Variants in RABGEF1 observed in about 807,000 individuals in gnomAD.
RABGEF1 encodes the protein rab5 GDP/GTP exchange factor.
Under a neutral mutation model 57.3 loss-of-function variants are expected in RABGEF1, and 26 were observed. The observed-to-expected ratio is 0.45, with a 90% CI of 0.33 to 0.63. RABGEF1 has a LOEUF of 0.63. RABGEF1 is among the 20% of genes least tolerant of loss of function. RABGEF1 has a pLI of 0.02. For synonymous variants in RABGEF1, 185 were observed against 210.7 expected, an observed-to-expected ratio of 0.88 and a Z score of 1.06; for missense variants, 464 against 607.6, an observed-to-expected ratio of 0.76 and a Z score of 2.48.
intron 4 of RABGEF1, among the ~76,000 whole-genome samples, chr7:66,790,842 A>C (rs1235965614): frequency 6.6e-6 from 1 of 152,240 alleles, no homozygotes; most frequent in African/African-American, 2.4e-5. Flanking sequence ...AAAAAAGGCC[A>C]ATAGGACACT....
At chr7:66,684,761 A>T (rs1186403003) in intron 1 of RABGEF1, among the ~76,000 whole-genome samples, 1 of 152,086 alleles carries the variant, frequency 6.6e-6, no homozygotes, top group South Asian at 2.1e-4. Flanking sequence ...CAGTCTCCCG[A>T]GTAGCTGGGA....
At chr7:66,768,200 G>A (rs1464156861) in intron 1 of RABGEF1, among the ~76,000 whole-genome samples, 1 of 152,208 alleles carries the variant, frequency 6.6e-6, no homozygotes, top group Non-Finnish European at 1.5e-5. Flanking sequence ...GTACTGGACA[G>A]TTAACAAATT....
chr7:66,787,916 C>T (rs1382588666), intron 4 of RABGEF1, among the ~76,000 whole-genome samples: 3 of 152,128 alleles, frequency 2.0e-5, no homozygotes, highest in Admixed American at 6.6e-5. Context: ...TATATGAAAA[C>T]GCTCACTGTA....
intron 1 of RABGEF1, among the ~76,000 whole-genome samples, chr7:66,686,453 C>CA (rs1449967725): frequency 6.6e-6 from 1 of 152,166 alleles, no homozygotes; most frequent in African/African-American, 2.4e-5. Context: ...GCCTGCGTGA[C>CA]AGAGTGATAC....
intron 1 of RABGEF1, among the ~76,000 whole-genome samples, chr7:66,692,093 ATAAAAG>A (rs1227021871): frequency 1.3e-5 from 2 of 152,112 alleles, no homozygotes; most frequent in Non-Finnish European, 2.9e-5. Context: ...AAATAAATAA[ATAAAAG>A]TGTATAAATT....
At chr7:66,783,883 T>C in intron 4 of RABGEF1, 42 bp downstream of exon 4, 2 of 1,569,034 alleles carry the variant, frequency 1.3e-6, no homozygotes. Flanking sequence ...AGTTTTGGTT[T>C]GAGGAAAGGT....
chr7:66,662,528 A>C, the RABGEF1 span, among the ~76,000 whole-genome samples: 1 of 152,186 alleles, frequency 6.6e-6, no homozygotes, highest in African/African-American at 2.4e-5. Flanking sequence ...CATCAACCCC[A>C]TGGATCTCCT....
intron 6 of RABGEF1, among the ~76,000 whole-genome samples, chr7:66,798,173 T>A (rs971426685): frequency 6.6e-6 from 1 of 152,136 alleles, no homozygotes; most frequent in African/African-American, 2.4e-5. Context: ...GGGGTGTGCA[T>A]TTTTCAGCAT....
chr7:66,784,339 A>G, intron 4 of RABGEF1, among the ~76,000 whole-genome samples: 1 of 152,218 alleles, frequency 6.6e-6, no homozygotes, highest in East Asian at 1.9e-4. Flanking sequence ...TTTATTTTAT[A>G]GATGAGGAAG....
chr7:66,752,321 C>G (rs1272791072), intron 1 of RABGEF1, among the ~76,000 whole-genome samples: 2 of 151,976 alleles, frequency 1.3e-5, no homozygotes. Flanking sequence ...ATGGTGAAAC[C>G]CTGTCTCTAC....
In RABGEF1 at chr7:66,748,400, G is replaced by A. The variant is rs186538416; in HGVS notation, c.-18+7608G>A. Among the ~76,000 whole-genome samples the A allele has an allele frequency of 2.0e-5, 3 of 152,254 alleles. No homozygotes were observed. In the East Asian group the frequency reaches 5.8e-4, roughly 29 times the overall value. The stretch of plus-strand genomic sequence containing the variant: ...TGGATCTTTTGTAATGAATTTATCA[G>A]CAGTGGGGTTTGAGTTTGTGCTTCC... On this transcript the variant is annotated intron_variant, in intron 1 of 8. Transcript: ENST00000284957.
intron 3 of RABGEF1, among the ~76,000 whole-genome samples, chr7:66,776,707 A>G (rs1050232578): frequency 1.3e-5 from 2 of 152,224 alleles, no homozygotes; most frequent in Admixed American, 6.5e-5. Context: ...AAAAGGAAAG[A>G]AAAGAAAAAA....
chr7:66,698,760 C>T (rs1221426972), intron 1 of RABGEF1, among the ~76,000 whole-genome samples: 1 of 152,202 alleles, frequency 6.6e-6, no homozygotes, highest in Non-Finnish European at 1.5e-5. Context: ...GTGGGTGGGT[C>T]TGACTCTGCC....
intron 1 of RABGEF1, among the ~76,000 whole-genome samples, chr7:66,760,008 C>T (rs1803851218): frequency 6.6e-6 from 1 of 152,156 alleles, no homozygotes; most frequent in South Asian, 2.1e-4. Flanking sequence ...GTACCGTAAC[C>T]ATACAAAACA....
chr7:66,702,280 A>G (rs905674771), intron 1 of RABGEF1, among the ~76,000 whole-genome samples: 1 of 151,598 alleles, frequency 6.6e-6, no homozygotes, highest in African/African-American at 2.4e-5. Flanking sequence ...GATAGACCAC[A>G]ATTTGTTTAT....
At chr7:66,753,337 A>T (rs1164261993) in intron 1 of RABGEF1, among the ~76,000 whole-genome samples, 1 of 152,140 alleles carries the variant, frequency 6.6e-6, no homozygotes, top group African/African-American at 2.4e-5. Flanking sequence ...GTTGCTGTGA[A>T]CCCAGAGTTC....
At chr7:66,701,485 C>T (rs7782587) in intron 1 of RABGEF1, among the ~76,000 whole-genome samples, 51,161 of 148,556 alleles carry the variant, frequency 0.34, 9,102 homozygotes, top group Middle Eastern at 0.5. Context: ...GAGGACAGAG[C>T]GAGACTCTGA....
At chr7:66,681,986 C>CGTCA (rs1789786534), upstream of RABGEF1, among the ~76,000 whole-genome samples, 1 of 152,232 alleles carries the variant, frequency 6.6e-6, no homozygotes, top group South Asian at 2.1e-4. Context: ...TGCTCTTGGG[C>CGTCA]GTCAGAGCGG....
At chr7:66,723,654 C>T (rs1796284007) in intron 2 of RABGEF1, among the ~76,000 whole-genome samples, 1 of 151,928 alleles carries the variant, frequency 6.6e-6, no homozygotes. Flanking sequence ...GATCTTGGCT[C>T]ACCACAACCT....
Sources: allele counts gnomAD v4.1 joint callset (sites outside exome capture counted in the v4.1 genomes callset), GRCh38; gene constraint gnomAD v4.1.1; transcripts MANE v1.5; gene names NCBI Gene and HGNC (gene_info 2026-07-23, HGNC 2026-07-21).